GRID2: variants seen among roughly 807,000 people sequenced by gnomAD.
GRID2 encodes glutamate receptor ionotropic, delta-2.
A neutral mutation model predicts 114.8 loss-of-function variants in GRID2; 33 were observed. The ratio of observed to expected loss-of-function variants is 0.29; its 90% CI spans 0.22 to 0.38. The LOEUF (loss-of-function observed/expected upper bound fraction) is 0.38, where lower values mean the gene tolerates loss of function less well. Ranked by LOEUF, GRID2 falls within the 10% of genes least tolerant of loss-of-function variation. The pLI, the probability that GRID2 is intolerant of heterozygous loss-of-function variation, is 1.00. For missense variants in GRID2, 1,184 were observed against 1,257.7 expected (o/e 0.94, Z 0.89); for synonymous variants, 505 against 449.9 (o/e 1.12, Z -1.55).
intron 1 of GRID2, among the ~76,000 whole-genome samples, chr4:92,441,660 C>T (rs1044933033): frequency 3.3e-5 from 5 of 151,878 alleles, no homozygotes; most frequent in Admixed American, 6.6e-5. Flanking sequence ...CTGTAGCAGG[C>T]GAGTGATAAC....
At position 92,320,657 on chromosome 4, in the gene GRID2, T is replaced by C. The variant is rs1177343104; in HGVS notation, c.88+15913T>C. On this transcript the variant is annotated intron_variant, in intron 1 of 15. Transcript: ENST00000282020. The stretch of plus-strand genomic sequence containing the variant: ...CATGCCTAGCTAATTTTTGTATTAT[T>C]AGTAGAAAGAGAGTTTCACCATGTT... Among the ~76,000 whole-genome samples, 6 of 152,188 alleles carry C rather than the reference T, an allele frequency of 3.9e-5. No individual in the cohort carries two copies. The East Asian group carries it at 1.2e-3, about 30-fold the overall frequency.
intron 2 of GRID2, among the ~76,000 whole-genome samples, chr4:93,069,008 A>AAG (rs2149302654): frequency 6.6e-6 from 1 of 151,986 alleles, no homozygotes; most frequent in Non-Finnish European, 1.5e-5. Flanking sequence ...GAGCAGAAAC[A>AAG]AGAGAGAGAG....
chr4:92,643,926 CATATT>C (rs747818427), intron 2 of GRID2, among the ~76,000 whole-genome samples: 15 of 151,746 alleles, frequency 9.9e-5, no homozygotes, highest in African/African-American at 3.6e-4. Flanking sequence ...TCAAGGATCA[CATATT>C]ATAATATCTA....
intron 2 of GRID2, among the ~76,000 whole-genome samples, chr4:92,658,848 G>A (rs1368780501): frequency 3.0e-5 from 4 of 132,190 alleles, no homozygotes; most frequent in Non-Finnish European, 3.4e-5. Flanking sequence ...CATTGTATGT[G>A]TATATGTATC....
At chr4:92,817,818 C>G (rs1741008290) in intron 2 of GRID2, among the ~76,000 whole-genome samples, 1 of 151,714 alleles carries the variant, frequency 6.6e-6, no homozygotes, top group African/African-American at 2.4e-5. Context: ...AGGTGTGAGC[C>G]CTTGCGTCCA....
intron 13 of GRID2, among the ~76,000 whole-genome samples, chr4:93,573,136 T>A (rs1453943356): frequency 6.6e-6 from 1 of 152,158 alleles, no homozygotes. Flanking sequence ...TGACCTGCTA[T>A]TCCAAGGCAG....
rs758761111 is a variant in GRID2 at position 93,626,466 on chromosome 4, G to A, written c.2360+31G>A. The A allele has an allele frequency of 4.8e-6, 7 of 1,448,174 alleles. No individual in the cohort carries two copies. The South Asian group carries it at 6.2e-5, about 13-fold the overall frequency. 89.7% of individuals were successfully genotyped at this position (1,448,174 alleles called of 1,614,324 possible). ...ATTTGTGTATGACCAAATAAGGGGA[G>A]AGATGAAATTTAGACAAAGAATATC... is the stretch of plus-strand genomic sequence containing the variant. On this transcript the variant is annotated intron_variant, in intron 14 of 15. Coordinates refer to ENST00000282020, the MANE Select transcript of GRID2 (RefSeq NM_001510.4).
In GRID2 at chr4:92,936,167, A is replaced by T. The variant is rs548653933; in HGVS notation, c.245-148828A>T. On this transcript the variant is annotated intron_variant, in intron 2 of 15. Coordinates refer to ENST00000282020, the MANE Select transcript of GRID2 (RefSeq NM_001510.4). ...TTGTTATCTCTTTAATTTTCTTTCAATTGTTACATTTATATTGTGATCTTC... is the reference window on the plus strand; with the variant it reads ...TTGTTATCTCTTTAATTTTCTTTCATTTGTTACATTTATATTGTGATCTTC... Among the ~76,000 whole-genome samples, 26 of 146,996 alleles carry T rather than the reference A, an allele frequency of 1.8e-4. 1 individual carries two copies. The highest frequency in any genetic ancestry group is 6.3e-4 in the African/African-American group (26 of 41,310).
At chr4:92,951,350 T>A (rs1264004454) in intron 2 of GRID2, among the ~76,000 whole-genome samples, 3 of 151,634 alleles carry the variant, frequency 2.0e-5, no homozygotes, top group African/African-American at 4.8e-5. Flanking sequence ...TATTTATTTA[T>A]TTATTTATTT....
intron 2 of GRID2, among the ~76,000 whole-genome samples, chr4:92,986,850 T>C (rs1578680824): frequency 6.6e-6 from 1 of 152,212 alleles, no homozygotes; most frequent in Non-Finnish European, 1.5e-5. Flanking sequence ...CCTCAAAGAT[T>C]CATTGCTTAA....
intron 1 of GRID2, among the ~76,000 whole-genome samples, chr4:93,799,426 G>C (rs1391336233): frequency 6.6e-6 from 1 of 150,682 alleles, no homozygotes; most frequent in Non-Finnish European, 1.5e-5. Context: ...GGAAACTACA[G>C]AACTGCAGCC....
chr4:92,407,974 T>C (rs1731105243), intron 1 of GRID2, among the ~76,000 whole-genome samples: 1 of 152,192 alleles, frequency 6.6e-6, no homozygotes, highest in Non-Finnish European at 1.5e-5. Flanking sequence ...TTTGTTGAAG[T>C]TGCATTTGGG....
At chr4:93,005,177 C>T (rs1377158862) in intron 2 of GRID2, among the ~76,000 whole-genome samples, 3 of 152,052 alleles carry the variant, frequency 2.0e-5, no homozygotes, top group Non-Finnish European at 2.9e-5. Context: ...GTTGACTTTC[C>T]TTTATAAACC....
chr4:92,624,052 T>G (rs1457013971), intron 2 of GRID2, among the ~76,000 whole-genome samples: 2 of 151,886 alleles, frequency 1.3e-5, no homozygotes, highest in Admixed American at 1.3e-4. Context: ...TATTCTTTTC[T>G]ACTTTCAATT....
chr4:92,433,304 C>T (rs1732561263), intron 1 of GRID2, among the ~76,000 whole-genome samples: 1 of 152,180 alleles, frequency 6.6e-6, no homozygotes, highest in Non-Finnish European at 1.5e-5. Context: ...CTGGGCCCAG[C>T]ACAGCACTAA....
At chr4:93,580,255 A>G (rs1736835854) in intron 13 of GRID2, among the ~76,000 whole-genome samples, 1 of 152,222 alleles carries the variant, frequency 6.6e-6, no homozygotes, top group African/African-American at 2.4e-5. Context: ...TCAACAGATC[A>G]GTTGAACATG....
chr4:93,491,911 T>G (rs1338383788), intron 12 of GRID2, among the ~76,000 whole-genome samples: 1 of 151,888 alleles, frequency 6.6e-6, no homozygotes, highest in Non-Finnish European at 1.5e-5. Context: ...TGCTAATAAG[T>G]AGTCAATTAT....
At position 93,006,497 on chromosome 4, in the gene GRID2, T is replaced by A. The variant is rs74368409; in HGVS notation, c.245-78498T>A. On this transcript the variant is annotated intron_variant, in intron 2 of 15. Transcript: ENST00000282020. Reference sequence around the variant, plus strand: ...ATATAACAGTCTTGGGAAGATATGGTTTCTGGGGCAAATTAGAAGTGTATG... The same window carrying A: ...ATATAACAGTCTTGGGAAGATATGGATTCTGGGGCAAATTAGAAGTGTATG... Among the ~76,000 whole-genome samples, 153 of 152,044 alleles carry A rather than the reference T, an allele frequency of 1.0e-3. 3 individuals are homozygous for A. The East Asian group carries it at 0.027, about 27-fold the overall frequency.
At chr4:92,662,281 T>G (rs1237821334) in intron 2 of GRID2, among the ~76,000 whole-genome samples, 1 of 151,034 alleles carries the variant, frequency 6.6e-6, no homozygotes, top group South Asian at 2.1e-4. Context: ...AACGGGCCTC[T>G]AAGTAGAAGG....
Sources: allele counts gnomAD v4.1 joint callset (sites outside exome capture counted in the v4.1 genomes callset), GRCh38; gene constraint gnomAD v4.1.1; transcripts MANE v1.5; gene names NCBI Gene and HGNC (gene_info 2026-07-23, HGNC 2026-07-21).